The following WDR82 variants were observed in gnomAD, a reference collection of about 807,000 sequenced individuals.
The protein encoded by WDR82 is WD repeat-containing protein 82.
A neutral mutation model predicts 36.1 loss-of-function variants in WDR82; 8 were observed. The ratio of observed to expected loss-of-function variants is 0.22; its 90% confidence interval spans 0.13 to 0.40. WDR82 has a LOEUF of 0.40. Among genes scored for constraint, WDR82 ranks in the 10% least tolerant of loss-of-function variants. The probability of loss-of-function intolerance (pLI) is 1.00; values close to 1 mark genes in which losing one functional copy is unlikely to be tolerated. For synonymous variants in WDR82, 129 were observed against 137.8 expected (o/e 0.94, Z 0.45); for missense variants, 185 against 400.5 (o/e 0.46, Z 4.59).
At chr3:52,271,172 T>TTA (rs1700150139) in intron 1 of WDR82, among the ~76,000 whole-genome samples, 1 of 152,240 alleles carries the variant, frequency 6.6e-6, no homozygotes, top group African/African-American at 2.4e-5. Flanking sequence ...TCTCATAAGA[T>TTA]TATAATAGAG....
intron 1 of WDR82, among the ~76,000 whole-genome samples, chr3:52,273,572 T>C (rs992860698): frequency 6.6e-6 from 1 of 152,230 alleles, no homozygotes; most frequent in African/African-American, 2.4e-5. Flanking sequence ...TGAGATTTTT[T>C]TTCCTGATAA....
chr3:52,258,964 A>T (rs936157071), intron 7 of WDR82, among the ~76,000 whole-genome samples: 1 of 152,228 alleles, frequency 6.6e-6, no homozygotes, highest in Non-Finnish European at 1.5e-5. Context: ...AGATGACTGA[A>T]TGTAGGGTTA....
intron 2 of WDR82, 40 bp from the exon 3 acceptor site, chr3:52,267,058 TTAA>T: frequency 6.8e-7 from 1 of 1,472,202 alleles, no homozygotes; most frequent in Non-Finnish European, 9.4e-7. Flanking sequence ...ATCATACTAT[TTAA>T]AAGAAATTTA....
chr3:52,259,622 A>G, intron 6 of WDR82, 95 bp downstream of exon 6: 1 of 1,434,394 alleles, frequency 7.0e-7, no homozygotes, highest in African/African-American at 1.4e-5. Flanking sequence ...GAGTAAGTCA[A>G]GAGTAACTGT....
At chr3:52,269,566 T>TA (rs1337643722) in intron 2 of WDR82, among the ~76,000 whole-genome samples, 2 of 151,162 alleles carry the variant, frequency 1.3e-5, no homozygotes, top group Admixed American at 6.6e-5. Flanking sequence ...CTGTCTCTAC[T>TA]AAAAATACAA....
intron 8 of WDR82, 29 bp from the exon 9 acceptor site, chr3:52,257,548 A>C: frequency 6.2e-7 from 1 of 1,614,104 alleles, no homozygotes; most frequent in African/African-American, 1.3e-5. Flanking sequence ...TCAACTTTAA[A>C]AAGCCAAGCA....
At chr3:52,268,301 T>C (rs1396461852) in intron 2 of WDR82, 1 of 472,030 alleles carries the variant, frequency 2.1e-6, no homozygotes, top group East Asian at 6.9e-5. Context: ...GCCTGTACAG[T>C]TATCTCCTGT....
intron 5 of WDR82, 96 bp downstream of exon 5, chr3:52,260,289 A>G (rs1700050014): frequency 1.2e-6 from 1 of 839,458 alleles, no homozygotes; most frequent in Non-Finnish European, 1.8e-6. Flanking sequence ...AGATTACACC[A>G]CTGCACTCCA....
intron 3 of WDR82, among the ~76,000 whole-genome samples, chr3:52,266,214 C>A (rs1413251768): frequency 1.3e-5 from 2 of 152,012 alleles, no homozygotes; most frequent in African/African-American, 4.8e-5. Flanking sequence ...TAGGGGCCCA[C>A]TGAAATGGGG....
Position 52,271,278 on chromosome 3 carries a change from T to C in WDR82, c.162-469A>G, listed in dbSNP as rs145335807. On this transcript the variant is annotated intron_variant, in intron 1 of 8. Coordinates refer to ENST00000296490, the MANE Select transcript of WDR82 (RefSeq NM_025222.4). ...GATACACAAACACTTAACGCTATAT[T>C]ATAATTGCCTACAGTATTCAGTACT... Among the ~76,000 whole-genome samples the C allele has an allele frequency of 1.0e-3, 153 of 152,330 alleles. 2 individuals carry two copies. The highest frequency in any genetic ancestry group is 3.4e-3 in the Middle Eastern group (1 of 294).
At chr3:52,268,331 C>T (rs1220284598) in intron 2 of WDR82, 1 of 472,170 alleles carries the variant, frequency 2.1e-6, no homozygotes. Context: ...TATCATAGAC[C>T]CTCAAACTGT....
At chr3:52,277,065 A>AAATAATAAT (rs71084177) in intron 1 of WDR82, among the ~76,000 whole-genome samples, 7,497 of 140,948 alleles carry the variant, frequency 0.053, 235 homozygotes, top group East Asian at 0.063. Flanking sequence ...CCAAGATCTC[A>AAATAATAAT]AATAATAATA....
intron 1 of WDR82, among the ~76,000 whole-genome samples, chr3:52,277,544 G>A (rs1435107084): frequency 5.3e-5 from 8 of 152,240 alleles, no homozygotes; most frequent in African/African-American, 1.9e-4. Flanking sequence ...GGAAGTTTTA[G>A]ATGTTGCTGA....
In WDR82 at chr3:52,278,332, G is replaced by C; in HGVS notation, c.30C>G (p.Ser10Arg). The C allele has an allele frequency of 6.3e-7, 1 of 1,596,620 alleles. No homozygotes were observed. The highest frequency in any genetic ancestry group is 8.5e-7 in the Non-Finnish European group (1 of 1,173,498). The change falls in exon 1 of 9, where the codon AGC becomes AGG. Residue 10 changes from serine to arginine, a missense_variant. By Grantham distance (110) the Ser-to-Arg change is moderately radical. Coordinates refer to ENST00000296490, the MANE Select transcript of WDR82 (RefSeq NM_025222.4). MKLTDSVLR[S>R]FRVAKVFREN... is the part of the protein sequence containing the mutation. ...CGCGGAACACCTTAGCGACGCGGAA[G>C]CTCCGCAACACGCTGTCGGTCAGCT...
intron 1 of WDR82, among the ~76,000 whole-genome samples, chr3:52,272,496 A>G (rs1700163066): frequency 1.3e-5 from 2 of 149,656 alleles, no homozygotes; most frequent in Non-Finnish European, 3.0e-5. Flanking sequence ...GTGAGCTGAG[A>G]TCGCGCCACT....
At chr3:52,270,181 G>A (rs1044996375) in intron 2 of WDR82, among the ~76,000 whole-genome samples, 8 of 152,190 alleles carry the variant, frequency 5.3e-5, no homozygotes, top group African/African-American at 7.2e-5. Flanking sequence ...GTGCAATGGC[G>A]TGATCTTGGC....
rs1484186632 is a variant in WDR82 at position 52,278,454 on chromosome 3, G to C, written c.-93C>G. 4 of 1,100,256 alleles carry C rather than the reference G, an allele frequency of 3.6e-6. No homozygotes were observed. 68.2% of individuals were successfully genotyped at this position (1,100,256 alleles called of 1,614,324 possible). A position where few individuals can be genotyped will look rare whatever the true frequency, so the allele number is the denominator to read the frequency against. On this transcript the variant is annotated 5_prime_UTR_variant, in exon 1 of 9. Coordinates refer to ENST00000296490, the MANE Select transcript of WDR82 (RefSeq NM_025222.4). ...GCCGAGGGGCCAACCCAGGCGGGGC[G>C]GGCGCCGCGCCGGCGGCTAGCGGGA... is the stretch of plus-strand genomic sequence containing the variant.
chr3:52,277,804 G>A (rs944286959), intron 1 of WDR82, among the ~76,000 whole-genome samples: 8 of 152,218 alleles, frequency 5.3e-5, no homozygotes, highest in Non-Finnish European at 1.0e-4. Flanking sequence ...GAAGGAGGCA[G>A]AAAAGCAGCC....
rs901287137 is a variant in WDR82, at chr3:52,265,182, C to T, written c.326+1770G>A. ...GGGCTTGGTGGCGGGTGCCTGTGGT[C>T]CCAGCTACTCAGGAGGCTGAGGCAG... On this transcript the variant is annotated intron_variant, in intron 3 of 8. Coordinates refer to ENST00000296490, the MANE Select transcript of WDR82 (RefSeq NM_025222.4). 2.6e-5 allele frequency among the ~76,000 whole-genome samples: 4 copies of T among 151,278 alleles called. No homozygotes were observed. The East Asian group carries it at 5.9e-4, about 22-fold the overall frequency.
Sources: gnomAD v4.1 joint callset for allele counts (sites outside exome capture counted in the v4.1 genomes callset) on GRCh38, gnomAD v4.1.1 for gene constraint, MANE v1.5 for transcripts, NCBI Gene and HGNC (gene_info 2026-07-23, HGNC 2026-07-21) for gene names.